Variants in PARD3 observed in about 807,000 individuals in gnomAD.
PARD3 encodes the protein par-3 family cell polarity regulator.
PARD3 carries 75 observed loss-of-function variants against 155.4 expected under a neutral mutation model. That is an observed-to-expected ratio of 0.48 (90% CI 0.40 to 0.58). PARD3 has a LOEUF of 0.58. Among genes scored for constraint, PARD3 ranks in the 20% least tolerant of loss-of-function variants. The pLI is 0.00. For missense variants in PARD3, 1,642 were observed against 1,721.7 expected, an observed-to-expected ratio of 0.95 and a Z score of 0.82; for synonymous variants, 576 against 610.5, an observed-to-expected ratio of 0.94 and a Z score of 0.83.
intron 5 of PARD3, among the ~76,000 whole-genome samples, chr10:34,420,174 AT>A (rs1292766551): frequency 6.6e-6 from 1 of 152,174 alleles, no homozygotes; most frequent in African/African-American, 2.4e-5. Flanking sequence ...GGCTAAATCA[AT>A]TTTTTAATAG....
At chr10:34,749,296 A>T (rs1351185656) in intron 1 of PARD3, among the ~76,000 whole-genome samples, 2 of 152,216 alleles carry the variant, frequency 1.3e-5, no homozygotes, top group Admixed American at 6.5e-5. Context: ...AATGCTAGCC[A>T]GTGCAATTAA....
intron 5 of PARD3, among the ~76,000 whole-genome samples, chr10:34,443,361 T>C (rs1452816569): frequency 6.6e-6 from 1 of 152,210 alleles, no homozygotes; most frequent in East Asian, 1.9e-4. Flanking sequence ...AATTTTTGAA[T>C]ATAACTTATA....
At chr10:34,271,341 A>T (rs1955601970) in intron 21 of PARD3, among the ~76,000 whole-genome samples, 1 of 152,174 alleles carries the variant, frequency 6.6e-6, no homozygotes, top group Admixed American at 6.5e-5. Context: ...CAATATATAA[A>T]AGAAATTATA....
chr10:34,535,896 T>A (rs1177283735), intron 2 of PARD3, among the ~76,000 whole-genome samples: 1 of 152,100 alleles, frequency 6.6e-6, no homozygotes, highest in African/African-American at 2.4e-5. Context: ...ATTTTGTTGG[T>A]ACAAAAATGC....
intron 4 of PARD3, among the ~76,000 whole-genome samples, chr10:34,461,254 A>G (rs1219630617): frequency 6.6e-6 from 1 of 152,216 alleles, no homozygotes; most frequent in East Asian, 1.9e-4. Flanking sequence ...TAACTTCACA[A>G]CTCAAAACAG....
chr10:34,111,263 CCCTTG>C lies in PARD3; in HGVS notation c.3963_3967del (p.Lys1322AlafsTer23). 1 of 1,613,494 alleles carries C rather than the reference CCCTTG, an allele frequency of 6.2e-7. No homozygotes were observed. Among genetic ancestry groups the C allele is most frequent in the Non-Finnish European group, 8.5e-7 (1 of 1,179,496 alleles). ...GGGGGGCACATCTTGCCGGAAGGGC[CCCTTG>C]GGAGGGGCGTAACTGGGGTCCTGGA... On this transcript the variant is annotated frameshift_variant, in exon 25 of 25. Coordinates refer to ENST00000374788, the MANE Select transcript of PARD3 (RefSeq NM_001184785.2). LOFTEE classifies it high-confidence loss of function.
At chr10:34,768,678 C>G (rs565669899) in intron 1 of PARD3, among the ~76,000 whole-genome samples, 54 of 152,204 alleles carry the variant, frequency 3.5e-4, no homozygotes, top group Admixed American at 9.8e-4. Flanking sequence ...ACTCAACACT[C>G]TGAGGGTGTC....
intron 22 of PARD3, among the ~76,000 whole-genome samples, chr10:34,152,555 T>C (rs983447794): frequency 6.6e-6 from 1 of 152,238 alleles, no homozygotes; most frequent in Non-Finnish European, 1.5e-5. Context: ...TTGACTGACA[T>C]GTGGTTATAT....
intron 22 of PARD3, among the ~76,000 whole-genome samples, chr10:34,193,658 A>G (rs1950813109): frequency 6.6e-6 from 1 of 152,190 alleles, no homozygotes; most frequent in Non-Finnish European, 1.5e-5. Context: ...AGCAATGGGT[A>G]GTTTATTCTG....
At chr10:34,362,114 A>G (rs1031259573) in intron 12 of PARD3, among the ~76,000 whole-genome samples, 2 of 152,252 alleles carry the variant, frequency 1.3e-5, no homozygotes, top group Non-Finnish European at 1.5e-5. Flanking sequence ...CCTAGCTAAC[A>G]TGGTGAAACC....
rs1244637640 is a variant in PARD3 at position 34,289,145 on chromosome 10, G to T, written c.3066-4900C>A. Among the ~76,000 whole-genome samples the T allele has an allele frequency of 2.6e-5, 4 of 151,816 alleles. No individual in the cohort carries two copies. The East Asian group carries it at 7.7e-4, about 29-fold the overall frequency. On this transcript the variant is annotated intron_variant, in intron 20 of 24. Coordinates refer to ENST00000374788, the MANE Select transcript of PARD3 (RefSeq NM_001184785.2). ...ATGCTCAGCTAATTTTTGTATTTTT[G>T]TTGGTAGAGATGCGGTTTCCCATAT... is the stretch of plus-strand genomic sequence containing the variant.
intron 2 of PARD3, among the ~76,000 whole-genome samples, chr10:34,536,994 A>G (rs1320591343): frequency 6.6e-6 from 1 of 152,228 alleles, no homozygotes; most frequent in Non-Finnish European, 1.5e-5. Flanking sequence ...AACAGGAAGC[A>G]ACTTCTAAGT....
At chr10:34,485,285 C>T (rs552542886) in intron 3 of PARD3, among the ~76,000 whole-genome samples, 2 of 151,886 alleles carry the variant, frequency 1.3e-5, no homozygotes, top group Non-Finnish European at 2.9e-5. Flanking sequence ...CGGCAGTGAG[C>T]CAAGATCATG....
intron 5 of PARD3, among the ~76,000 whole-genome samples, chr10:34,409,495 A>C (rs990593603): frequency 2.0e-5 from 3 of 152,202 alleles, no homozygotes; most frequent in African/African-American, 7.2e-5. Flanking sequence ...AAAATCACTG[A>C]ATCTAATAAC....
At chr10:34,500,255 AG>A (rs1322447906) in intron 3 of PARD3, among the ~76,000 whole-genome samples, 1 of 152,260 alleles carries the variant, frequency 6.6e-6, no homozygotes, top group African/African-American at 2.4e-5. Context: ...AAACTAGAAA[AG>A]GGTGCTATGC....
intron 1 of PARD3, among the ~76,000 whole-genome samples, chr10:34,784,959 AATCTC>A (rs1840759052): frequency 6.6e-6 from 1 of 152,208 alleles, no homozygotes; most frequent in Non-Finnish European, 1.5e-5. Context: ...TAGTGCCAGA[AATCTC>A]ATCACTAAGT....
chr10:34,184,985 G>A (rs1950423535), intron 22 of PARD3, among the ~76,000 whole-genome samples: 1 of 152,146 alleles, frequency 6.6e-6, no homozygotes, highest in Admixed American at 6.5e-5. Context: ...GCACAGAGGA[G>A]TATTTATTGC....
chr10:34,775,437 G>A (rs953759548), intron 1 of PARD3, among the ~76,000 whole-genome samples: 9 of 152,260 alleles, frequency 5.9e-5, no homozygotes, highest in African/African-American at 2.2e-4. Flanking sequence ...TTTAGCCCAG[G>A]AGTTTGAGGC....
At chr10:34,615,843 T>C (rs891252944) in intron 2 of PARD3, among the ~76,000 whole-genome samples, 3 of 151,900 alleles carry the variant, frequency 2.0e-5, no homozygotes, top group African/African-American at 7.3e-5. Flanking sequence ...TGAAAATATG[T>C]TCAACATCAT....
Sources: allele counts gnomAD v4.1 joint callset (sites outside exome capture counted in the v4.1 genomes callset), GRCh38; gene constraint gnomAD v4.1.1; transcripts MANE v1.5; gene names NCBI Gene and HGNC (gene_info 2026-07-23, HGNC 2026-07-21).